The following OR2C1 variants were observed in gnomAD, a reference collection of about 807,000 sequenced individuals.
OR2C1 encodes olfactory receptor 2C1.
For synonymous variants in OR2C1, 209 were observed against 167.3 expected (o/e 1.25, Z -1.92); for missense variants, 468 against 388.3 (o/e 1.21, Z -1.73).
At chr16:3,350,550 T>C in the OR2C1 span, among the ~76,000 whole-genome samples, 1 of 151,704 alleles carries the variant, frequency 6.6e-6, no homozygotes, top group Non-Finnish European at 1.5e-5. Context: ...TAGCTGGGAC[T>C]ACAGGCGCCT....
chr16:3,336,674 C>CTTTTTTTTTTTTTTT, the OR2C1 span, among the ~76,000 whole-genome samples: 1 of 116,272 alleles, frequency 8.6e-6, no homozygotes, highest in Non-Finnish European at 1.7e-5. Flanking sequence ...GTTTCTTTTT[C>CTTTTTTTTTTTTTTT]TTTTTTTTTT....
the OR2C1 span, among the ~76,000 whole-genome samples, chr16:3,326,548 T>C: frequency 3.3e-5 from 5 of 152,208 alleles, no homozygotes; most frequent in African/African-American, 9.7e-5. Context: ...GTTGACTGCC[T>C]CCTAACATCC....
the OR2C1 span, among the ~76,000 whole-genome samples, chr16:3,331,985 C>G: frequency 4.7e-5 from 7 of 149,976 alleles, no homozygotes; most frequent in African/African-American, 1.7e-4. Context: ...AACAAAAAAC[C>G]AAACACTGCA....
chr16:3,340,950 T>G, the OR2C1 span, among the ~76,000 whole-genome samples: 1 of 152,042 alleles, frequency 6.6e-6, no homozygotes, highest in Non-Finnish European at 1.5e-5. Flanking sequence ...TTGCAGTCCC[T>G]TATGAATCTG....
the OR2C1 span, among the ~76,000 whole-genome samples, chr16:3,335,750 C>A: frequency 1.1e-3 from 161 of 152,118 alleles, 1 homozygote; most frequent in Non-Finnish European, 1.7e-3. Context: ...TGGGCTACTA[C>A]TTTTTATTTT....
At chr16:3,336,354 T>C in the OR2C1 span, among the ~76,000 whole-genome samples, 1 of 152,064 alleles carries the variant, frequency 6.6e-6, no homozygotes, top group Admixed American at 6.6e-5. Flanking sequence ...TGTAGTTTTC[T>C]TTTTCTTTCT....
At chr16:3,347,860 G>GCA in the OR2C1 span, among the ~76,000 whole-genome samples, 2 of 4,986 alleles carry the variant, frequency 4.0e-4, no homozygotes, top group Non-Finnish European at 8.6e-4. Context: ...ACGCACACAC[G>GCA]CGCACACACA....
At chr16:3,338,598 C>T in the OR2C1 span, among the ~76,000 whole-genome samples, 2 of 129,660 alleles carry the variant, frequency 1.5e-5, no homozygotes, top group African/African-American at 3.0e-5. Context: ...AGTGCAGTGG[C>T]GCGCTCTCGG....
the OR2C1 span, among the ~76,000 whole-genome samples, chr16:3,348,257 T>A: frequency 6.6e-6 from 1 of 152,142 alleles, no homozygotes; most frequent in South Asian, 2.1e-4. Flanking sequence ...AATATAGTAT[T>A]TAAGAGAGGA....
At chr16:3,345,671 A>G in the OR2C1 span, among the ~76,000 whole-genome samples, 1 of 152,180 alleles carries the variant, frequency 6.6e-6, no homozygotes, top group East Asian at 1.9e-4. Context: ...CCTATGAGGG[A>G]GTAGAGAGAA....
At chr16:3,355,349 T>C (rs2030643870), upstream of OR2C1, among the ~76,000 whole-genome samples, 1 of 148,760 alleles carries the variant, frequency 6.7e-6, no homozygotes, top group African/African-American at 2.5e-5. Context: ...TCCCAGCTAC[T>C]CGTGAGGCTG....
upstream of OR2C1, among the ~76,000 whole-genome samples, chr16:3,351,203 TTTCTTTTTTTCTTTTTCTTTTTC>T (rs1379055077): frequency 0.12 from 1,630 of 14,150 alleles, 190 homozygotes; most frequent in African/African-American, 0.2. Context: ...TTAAGTCTTT[TTTCTTTTTTTCTTTTTCTTTTTC>T]TTTTTTTTTT....
At chr16:3,344,449 C>T in the OR2C1 span, among the ~76,000 whole-genome samples, 3 of 151,968 alleles carry the variant, frequency 2.0e-5, no homozygotes, top group Admixed American at 6.6e-5. Flanking sequence ...ATTTGATGGC[C>T]GGGCACGGTG....
At chr16:3,355,569 C>T (rs1266976430), upstream of OR2C1, among the ~76,000 whole-genome samples, 1 of 151,878 alleles carries the variant, frequency 6.6e-6, no homozygotes, top group Admixed American at 6.6e-5. Flanking sequence ...ATCACTTGAG[C>T]CCAAGAGTTG....
the OR2C1 span, among the ~76,000 whole-genome samples, chr16:3,334,412 A>G: frequency 6.6e-6 from 1 of 151,712 alleles, no homozygotes; most frequent in South Asian, 2.1e-4. Flanking sequence ...CTGGGATTAC[A>G]GACTTGAGTC....
At chr16:3,351,206 CTT>C (rs1164772601), upstream of OR2C1, among the ~76,000 whole-genome samples, 1 of 10,308 alleles carries the variant, frequency 9.7e-5, no homozygotes, top group Non-Finnish European at 2.2e-4. Context: ...AGTCTTTTTT[CTT>C]TTTTTCTTTT....
upstream of OR2C1, among the ~76,000 whole-genome samples, chr16:3,351,597 AAAT>A (rs1436419879): frequency 6.6e-6 from 1 of 152,186 alleles, no homozygotes; most frequent in African/African-American, 2.4e-5. Context: ...TGTTCTCTAA[AAAT>A]CTGTGTACTC....
upstream of OR2C1, among the ~76,000 whole-genome samples, chr16:3,355,457 CAAA>C (rs56022625): frequency 6.6e-5 from 3 of 45,482 alleles, no homozygotes; most frequent in African/African-American, 7.9e-5. Flanking sequence ...GACTCTGTCT[CAAA>C]AAAAAAAAAA....
upstream of OR2C1, among the ~76,000 whole-genome samples, chr16:3,353,972 TC>T (rs111785276): frequency 1.5e-4 from 22 of 147,092 alleles, no homozygotes; most frequent in African/African-American, 5.5e-4. Flanking sequence ...TGTTTGTTTT[TC>T]TTTTCTTTTC....
Sources: allele counts gnomAD v4.1 joint callset (sites outside exome capture counted in the v4.1 genomes callset), GRCh38; gene constraint gnomAD v4.1.1; transcripts MANE v1.5; gene names NCBI Gene and HGNC (gene_info 2026-07-23, HGNC 2026-07-21).